Variants in OLFML2A observed in about 807,000 individuals in gnomAD.
OLFML2A encodes the protein olfactomedin like 2A, also known as olfactomedin-like protein 2A.
OLFML2A carries 47 observed loss-of-function variants against 60.9 expected under a neutral mutation model. The observed-to-expected ratio is 0.77, with a 90% CI of 0.61 to 0.98. OLFML2A has a LOEUF of 0.98. OLFML2A is among the 50% of genes least tolerant of loss of function. The pLI is 0.00. For synonymous variants in OLFML2A, 372 were observed against 375.0 expected, an observed-to-expected ratio of 0.99 and a Z score of 0.09; for missense variants, 922 against 879.8, an observed-to-expected ratio of 1.05 and a Z score of -0.61.
intron 1 of OLFML2A, among the ~76,000 whole-genome samples, chr9:124,783,531 T>C (rs1255159727): frequency 6.6e-6 from 1 of 152,198 alleles, no homozygotes; most frequent in Non-Finnish European, 1.5e-5. Flanking sequence ...TGCTAGGCCC[T>C]GTTCTTTACT....
At chr9:124,780,479 G>A (rs1039408397) in intron 1 of OLFML2A, among the ~76,000 whole-genome samples, 10 of 152,200 alleles carry the variant, frequency 6.6e-5, no homozygotes, top group Admixed American at 2.6e-4. Context: ...GGTGGTGTCC[G>A]GGGCTGGATC....
At chr9:124,800,873 G>A in intron 4 of OLFML2A, 1 of 1,475,988 alleles carries the variant, frequency 6.8e-7, no homozygotes. Context: ...GTTAGAAATG[G>A]CATATCCTAG....
At position 124,794,914 on chromosome 9, in the gene OLFML2A, G is replaced by T. The variant is rs574235992; in HGVS notation, c.355-110G>T. 4.5e-5 allele frequency: 29 copies of T among 639,696 alleles called. No individual in the cohort carries two copies. In the South Asian group the frequency reaches 4.8e-4, roughly 11 times the overall value. The allele number at this position is 639,696 out of a possible 1,614,324, so 39.6% of individuals were successfully genotyped here. On this transcript the variant is annotated intron_variant, in intron 2 of 7. Transcript: ENST00000373580. ...TGGGATTACAGGCGTGAGCCACAGC[G>T]CCTGGCCCAGGTTCTGGAGTTCTCA...
Position 124,804,200 on chromosome 9 carries a change from C to T in OLFML2A, c.1026C>T (p.Pro342=), listed in dbSNP as rs2131274058. 1.9e-6 allele frequency: 3 copies of T among 1,614,144 alleles called. No homozygotes were observed. The highest frequency in any genetic ancestry group is 1.7e-6 in the Non-Finnish European group (2 of 1,180,012). The change falls in exon 6 of 8, where the codon CCC becomes CCT. Residue 342 remains proline (P), a synonymous_variant. Coordinates refer to ENST00000373580, the MANE Select transcript of OLFML2A (RefSeq NM_182487.4). ...CCGCAGAGCAGGATGAGGCTGAGCC[C>T]AGGTCCTCCGAGCGAGTGGACCTGG... The part of the protein sequence containing the change: ...PNSAEQDEAE[P]RSSERVDLAS...
chr9:124,804,595 G>A (rs1027757627), intron 6 of OLFML2A, among the ~76,000 whole-genome samples: 19 of 151,602 alleles, frequency 1.3e-4, no homozygotes, highest in Non-Finnish European at 2.7e-4. Context: ...GTAGTGGCGG[G>A]TGCCTGCAAT....
intron 1 of OLFML2A, 145 bp from the exon 2 acceptor site, chr9:124,786,830 A>C: frequency 1.4e-6 from 1 of 691,062 alleles, no homozygotes; most frequent in Non-Finnish European, 2.5e-6. Context: ...GGGCTTCACC[A>C]CCTCTAATTG....
intron 1 of OLFML2A, among the ~76,000 whole-genome samples, chr9:124,784,296 C>T (rs993137623): frequency 2.6e-5 from 4 of 151,928 alleles, no homozygotes; most frequent in Admixed American, 6.6e-5. Flanking sequence ...CTCCGCCTCC[C>T]GGGTTCAAGC....
intron 3 of OLFML2A, 24 bp from the exon 4 acceptor site, chr9:124,799,260 AC>A (rs1564285949): frequency 1.3e-6 from 2 of 1,530,036 alleles, no homozygotes; most frequent in East Asian, 4.5e-5. Flanking sequence ...CCCAGGAAAG[AC>A]CTCCAATCCT....
At chr9:124,789,380 T>C (rs1841533906) in intron 2 of OLFML2A, among the ~76,000 whole-genome samples, 1 of 152,240 alleles carries the variant, frequency 6.6e-6, no homozygotes, top group African/African-American at 2.4e-5. Context: ...TGGCAGAAGA[T>C]GCAGCCTCCT....
chr9:124,791,737 C>CAA lies in OLFML2A; in HGVS notation c.355-3266_355-3265dup, dbSNP rs10553820. Among the ~76,000 whole-genome samples, 246 of 74,676 alleles carry CAA rather than the reference C, an allele frequency of 3.3e-3. 5 individuals are homozygous for CAA. Among genetic ancestry groups the CAA allele is most frequent in the African/African-American group, 8.6e-3 (167 of 19,498 alleles). 49.0% of individuals were successfully genotyped at this position (74,676 alleles called of 152,430 possible). A position where few individuals can be genotyped will look rare whatever the true frequency, so the allele number is the denominator to read the frequency against. On this transcript the variant is annotated intron_variant, in intron 2 of 7. Transcript: ENST00000373580. ...TGGGCGACAGAGCGAGACTCTGTCT[C>CAA]AAAAAAAAAAAAAAAAAAAAAAGAA...
Position 124,810,642 on chromosome 9 carries a change from C to T in OLFML2A, c.*230C>T, listed in dbSNP as rs142504820. 7.0e-4 allele frequency: 404 copies of T among 575,448 alleles called. 3 individuals are homozygous for T. The African/African-American group carries it at 7.0e-3, about 10-fold the overall frequency. The allele number at this position is 575,448 out of a possible 1,614,324, so 35.6% of individuals were successfully genotyped here. On this transcript the variant is annotated 3_prime_UTR_variant, in exon 8 of 8. Transcript: ENST00000373580. ...CCCACACACTTACCCGTTTGATTCT[C>T]CTAGCACCTCCCTTGGAGGTAGAGA... is the stretch of plus-strand genomic sequence containing the variant.
chr9:124,805,006 G>T (rs1377730770), intron 6 of OLFML2A, among the ~76,000 whole-genome samples: 7 of 152,074 alleles, frequency 4.6e-5, no homozygotes, highest in Admixed American at 4.6e-4. Context: ...CCAAGCCCAG[G>T]TAGTATTTTC....
rs1409535550 is a variant in OLFML2A, at chr9:124,779,414, A to G, written c.90+2054A>G. 1.3e-5 allele frequency among the ~76,000 whole-genome samples: 2 copies of G among 152,302 alleles called. No individual in the cohort carries two copies. The highest frequency in any genetic ancestry group is 3.9e-4 in the East Asian group (2 of 5,182). ...CTGGGAGGGATATTTGGTGTTGGGC[A>G]TCGTCTGTGCAGAGAGCTGTAGAGC... On this transcript the variant is annotated intron_variant, in intron 1 of 7. Transcript: ENST00000373580. The surrounding 1 kb of genome is among the most constrained non-coding windows in gnomAD (Gnocchi z 4.1).
chr9:124,803,106 G>A (rs1451423515), intron 5 of OLFML2A, among the ~76,000 whole-genome samples: 4 of 151,800 alleles, frequency 2.6e-5, no homozygotes, highest in Admixed American at 1.3e-4. Flanking sequence ...ACGGGGTTTC[G>A]TCATGTTGGC....
Position 124,798,833 on chromosome 9 carries a change from C to T in OLFML2A, c.463-452C>T, listed in dbSNP as rs531543829. On this transcript the variant is annotated intron_variant, in intron 3 of 7. Transcript: ENST00000373580. ...TGTACTGTGTGGCCATGAGAAGGAA[C>T]GGAGCACTATATATGCAGATATGCA... Among the ~76,000 whole-genome samples the T allele has an allele frequency of 4.0e-5, 6 of 151,832 alleles. No homozygotes were observed. The East Asian group carries it at 5.8e-4, about 15-fold the overall frequency.
chr9:124,805,749 C>T (rs779316085), intron 6 of OLFML2A, among the ~76,000 whole-genome samples: 8 of 151,578 alleles, frequency 5.3e-5, no homozygotes, highest in Non-Finnish European at 8.8e-5. Context: ...CCACCTGTTC[C>T]CCAAAAACTA....
At position 124,787,329 on chromosome 9, in the gene OLFML2A, G is replaced by A. The variant is rs1377723003; in HGVS notation, c.354+91G>A. On this transcript the variant is annotated intron_variant, in intron 2 of 7. Transcript: ENST00000373580. Reference sequence around the variant, plus strand: ...GTGAAAATTCCACACACTCTGTGAGGCGAGTGGTGTTACTGCCCCATTTCA... The same window carrying A: ...GTGAAAATTCCACACACTCTGTGAGACGAGTGGTGTTACTGCCCCATTTCA... 6 of 1,293,430 alleles carry A rather than the reference G, an allele frequency of 4.6e-6. No homozygotes were observed. In the South Asian group the frequency reaches 8.0e-5, roughly 17 times the overall value. 80.1% of individuals were successfully genotyped at this position (1,293,430 alleles called of 1,614,324 possible).
At chr9:124,790,265 C>G (rs959864655) in intron 2 of OLFML2A, among the ~76,000 whole-genome samples, 1 of 152,078 alleles carries the variant, frequency 6.6e-6, no homozygotes, top group African/African-American at 2.4e-5. Context: ...CCCGGCTCCC[C>G]CTTTCAAGTG....
chr9:124,807,172 C>T (rs1841911305), intron 6 of OLFML2A, among the ~76,000 whole-genome samples: 1 of 151,852 alleles, frequency 6.6e-6, no homozygotes, highest in South Asian at 2.1e-4. Flanking sequence ...GATCCTCCCA[C>T]CTCAGCCTCC....
Sources: gnomAD v4.1 joint callset for allele counts (sites outside exome capture counted in the v4.1 genomes callset) on GRCh38, gnomAD v4.1.1 for gene constraint, Gnocchi (gnomAD v3.1) non-coding constraint, MANE v1.5 for transcripts, NCBI Gene and HGNC (gene_info 2026-07-23, HGNC 2026-07-21) for gene names.